The following ZC3HAV1 variants were observed in gnomAD, a reference collection of about 807,000 sequenced individuals.
ZC3HAV1 encodes zinc finger CCCH-type containing, antiviral 1.
A neutral mutation model predicts 86.6 loss-of-function variants in ZC3HAV1; 41 were observed. The observed-to-expected ratio is 0.47, with a 90% confidence interval of 0.37 to 0.61. The LOEUF (loss-of-function observed/expected upper bound fraction) is 0.61. Among genes scored for constraint, ZC3HAV1 ranks in the 20% least tolerant of loss-of-function variants. The pLI is 0.00. For missense variants in ZC3HAV1, 964 were observed against 1,141.1 expected (o/e 0.84, Z 2.24); for synonymous variants, 421 against 432.1 (o/e 0.97, Z 0.32).
Position 139,108,412 on chromosome 7 carries a change from G to C in ZC3HAV1, c.308+612C>G, listed in dbSNP as rs904944211. Among the ~76,000 whole-genome samples, 7 of 152,138 alleles carry C rather than the reference G, an allele frequency of 4.6e-5. No homozygotes were observed. The highest frequency in any genetic ancestry group is 1.7e-4 in the African/African-American group (7 of 41,434). ...CCGTAGAGAGACCACCCGGAGGGAAGGCCCGCGGCTGCTACAACTTCAGGA... is the reference window on the plus strand; with the variant it reads ...CCGTAGAGAGACCACCCGGAGGGAACGCCCGCGGCTGCTACAACTTCAGGA... On this transcript the variant is annotated intron_variant, in intron 1 of 12. Coordinates refer to ENST00000242351, the MANE Select transcript of ZC3HAV1 (RefSeq NM_020119.4). This position sits in a 1 kb window ranked among gnomAD's most constrained non-coding sequence, Gnocchi z 4.2.
At chr7:139,080,500 G>A (rs1380466525) in intron 3 of ZC3HAV1, among the ~76,000 whole-genome samples, 1 of 152,192 alleles carries the variant, frequency 6.6e-6, no homozygotes, top group Non-Finnish European at 1.5e-5. Flanking sequence ...CCCGACCACA[G>A]CTCACTGCAA....
At chr7:139,075,837 C>T (rs1353825832) in intron 6 of ZC3HAV1, among the ~76,000 whole-genome samples, 1 of 152,196 alleles carries the variant, frequency 6.6e-6, no homozygotes, top group East Asian at 1.9e-4. Context: ...CAAAATTCTA[C>T]AGTAAAACTA....
At chr7:139,055,375 A>G in intron 9 of ZC3HAV1, 80 bp from the exon 10 acceptor site, 1 of 1,222,388 alleles carries the variant, frequency 8.2e-7, no homozygotes, top group Non-Finnish European at 1.2e-6. Context: ...TCCAGCCACT[A>G]GGCCAAGGAT....
Position 139,079,850 on chromosome 7 carries a change from G to C in ZC3HAV1, c.1091C>G (p.Ser364Cys). 1 of 1,614,130 alleles carries C rather than the reference G, an allele frequency of 6.2e-7. No individual in the cohort carries two copies. Among genetic ancestry groups the C allele is most frequent in the East Asian group, 2.2e-5 (1 of 44,874 alleles). ...TSAPNWKSLT[S>C]WTNDQGARRK... Reference sequence around the variant, plus strand: ...CCTGGCGCCTTGGTCATTCGTCCAGGATGTGAGGCTCTTCCAGTTGGGGGC... The same window carrying C: ...CCTGGCGCCTTGGTCATTCGTCCAGCATGTGAGGCTCTTCCAGTTGGGGGC... Residue 364 changes from serine to cysteine, a missense_variant, in exon 4 of 13, where the codon TCC (serine) becomes TGC (cysteine). Transcript: ENST00000242351.
Position 139,047,468 on chromosome 7 carries a change from C to T in ZC3HAV1, c.*126G>A. On this transcript the variant is annotated 3_prime_UTR_variant, in exon 13 of 13. Coordinates refer to ENST00000242351, the MANE Select transcript of ZC3HAV1 (RefSeq NM_020119.4). The stretch of plus-strand genomic sequence containing the variant: ...TCTAATATGTAGCAAAATTTGGGGA[C>T]CACTGATCTAAGACATTAGATAACT... 1 of 1,357,796 alleles carries T rather than the reference C, an allele frequency of 7.4e-7. No homozygotes were observed. The highest frequency in any genetic ancestry group is 1.0e-6 in the Non-Finnish European group (1 of 992,526). The allele number at this position is 1,357,796 out of a possible 1,614,324, so 84.1% of individuals were successfully genotyped here.
intron 1 of ZC3HAV1, among the ~76,000 whole-genome samples, chr7:139,102,314 T>A (rs138040534): frequency 8.5e-5 from 13 of 152,206 alleles, no homozygotes; most frequent in African/African-American, 2.6e-4. Context: ...TATTTTTTAA[T>A]GTTTTTGTAG....
At chr7:139,075,082 G>C (rs72611548) in intron 6 of ZC3HAV1, among the ~76,000 whole-genome samples, 1 of 101,192 alleles carries the variant, frequency 9.9e-6, no homozygotes, top group Non-Finnish European at 2.0e-5. Context: ...TGGTGGGGGG[G>C]TGGTGCTTCC....
intron 12 of ZC3HAV1, among the ~76,000 whole-genome samples, chr7:139,051,525 C>A (rs1032637327): frequency 6.6e-6 from 1 of 151,730 alleles, no homozygotes; most frequent in Admixed American, 6.6e-5. Flanking sequence ...TCCCACCTCA[C>A]CCTGCTGAGT....
intron 1 of ZC3HAV1, among the ~76,000 whole-genome samples, chr7:139,104,966 G>A (rs1477918763): frequency 6.7e-6 from 1 of 149,196 alleles, no homozygotes; most frequent in Non-Finnish European, 1.5e-5. Context: ...CGGGGAGGCG[G>A]AGGTTGCAGC....
At chr7:139,058,024 T>C (rs1013726318) in intron 9 of ZC3HAV1, among the ~76,000 whole-genome samples, 2 of 152,078 alleles carry the variant, frequency 1.3e-5, no homozygotes, top group African/African-American at 4.8e-5. Context: ...AACAGTGACG[T>C]GTGCCGTAGT....
Position 139,108,359 on chromosome 7 carries a change from C to T in ZC3HAV1, c.308+665G>A, listed in dbSNP as rs968965162. Among the ~76,000 whole-genome samples the T allele has an allele frequency of 6.6e-6, 1 of 152,016 alleles. No individual in the cohort carries two copies. The highest frequency in any genetic ancestry group is 6.5e-5 in the Admixed American group (1 of 15,268). ...TCAAAGGGATTTAAGAGAGTTGTCC[C>T]AAGGCAGGCGGTCAACTGCGCGCGC... On this transcript the variant is annotated intron_variant, in intron 1 of 12. Coordinates refer to ENST00000242351, the MANE Select transcript of ZC3HAV1 (RefSeq NM_020119.4). The surrounding 1 kb of genome is among the most constrained non-coding windows in gnomAD (Gnocchi z 4.2).
At chr7:139,099,649 G>A (rs1187812957) in intron 1 of ZC3HAV1, among the ~76,000 whole-genome samples, 1 of 152,186 alleles carries the variant, frequency 6.6e-6, no homozygotes, top group Non-Finnish European at 1.5e-5. Flanking sequence ...TATACTTATT[G>A]CCACTGAACT....
chr7:139,102,385 C>T (rs970519046), intron 1 of ZC3HAV1, among the ~76,000 whole-genome samples: 1 of 152,102 alleles, frequency 6.6e-6, no homozygotes, highest in Admixed American at 6.6e-5. Context: ...CCACCTCGGC[C>T]TCTTGAAGTA....
At chr7:139,079,391 T>G (rs1355821038) in intron 4 of ZC3HAV1, 79 bp downstream of exon 4, 3 of 1,610,432 alleles carry the variant, frequency 1.9e-6, no homozygotes, top group Non-Finnish European at 2.5e-6. Flanking sequence ...ATCAGTAGTT[T>G]TATCCACTAC....
chr7:139,071,105 T>A (rs1426779643), intron 7 of ZC3HAV1, among the ~76,000 whole-genome samples: 6 of 146,372 alleles, frequency 4.1e-5, no homozygotes, highest in African/African-American at 1.0e-4. Flanking sequence ...TCTGAAACCT[T>A]TTTTTTTTTT....
intron 2 of ZC3HAV1, 39 bp from the exon 3 acceptor site, chr7:139,084,071 T>C: frequency 6.3e-7 from 1 of 1,595,810 alleles, no homozygotes; most frequent in Non-Finnish European, 8.6e-7. Flanking sequence ...TCAAAACACC[T>C]TCTTGTATTT....
At chr7:139,084,462 A>C (rs535877142) in intron 2 of ZC3HAV1, among the ~76,000 whole-genome samples, 1 of 152,364 alleles carries the variant, frequency 6.6e-6, no homozygotes, top group Non-Finnish European at 1.5e-5. Flanking sequence ...TTCTCAAAAG[A>C]TTGCCTAAAG....
intron 2 of ZC3HAV1, among the ~76,000 whole-genome samples, chr7:139,084,809 T>A (rs1202441197): frequency 6.6e-6 from 1 of 152,238 alleles, no homozygotes; most frequent in African/African-American, 2.4e-5. Context: ...GTTTGAACCA[T>A]GAAATGAGGA....
intron 1 of ZC3HAV1, among the ~76,000 whole-genome samples, chr7:139,097,428 A>ATATATATATATATATATTT: frequency 4.2e-5 from 2 of 48,156 alleles, no homozygotes; most frequent in African/African-American, 1.1e-4. Context: ...ATATATATAT[A>ATATATATATATATATATTT]TTTTTTTTTT....
Sources: gnomAD v4.1 joint callset for allele counts (sites outside exome capture counted in the v4.1 genomes callset) on GRCh38, gnomAD v4.1.1 for gene constraint, Gnocchi (gnomAD v3.1) non-coding constraint, MANE v1.5 for transcripts, NCBI Gene and HGNC (gene_info 2026-07-23, HGNC 2026-07-21) for gene names.